Variants in NRXN3 observed in about 807,000 individuals in gnomAD.
NRXN3 encodes the protein neurexin 3.
A neutral mutation model predicts 137.6 loss-of-function variants in NRXN3; 32 were observed. The observed-to-expected ratio is 0.23, with a 90% CI of 0.18 to 0.31. NRXN3 has a LOEUF of 0.31. Among genes scored for constraint, NRXN3 ranks in the 10% least tolerant of loss-of-function variants. The pLI is 1.00. For missense variants in NRXN3, 1,574 were observed against 2,062.5 expected (o/e 0.76, Z 4.59); for synonymous variants, 798 against 784.5 (o/e 1.02, Z -0.29).
chr14:79,134,331 T>G (rs2057991051), intron 15 of NRXN3, among the ~76,000 whole-genome samples: 1 of 152,206 alleles, frequency 6.6e-6, no homozygotes, highest in Admixed American at 6.5e-5. Context: ...TACACTGCTG[T>G]GTAATGTTAT....
chr14:79,585,753 C>T (rs1031173549), intron 16 of NRXN3, among the ~76,000 whole-genome samples: 16 of 149,876 alleles, frequency 1.1e-4, no homozygotes, highest in African/African-American at 3.0e-4. Context: ...AGATAGGGAC[C>T]GAATGGGGGT....
chr14:78,179,842 G>GTTTTTTTTTTTTT (rs796341902), intron 1 of NRXN3, among the ~76,000 whole-genome samples: 6 of 109,152 alleles, frequency 5.5e-5, no homozygotes, highest in Admixed American at 9.3e-5. Flanking sequence ...CTGTTTTTTT[G>GTTTTTTTTTTTTT]TTTTTTTTTT....
At chr14:78,553,806 C>A (rs1300413783) in intron 4 of NRXN3, among the ~76,000 whole-genome samples, 1 of 152,174 alleles carries the variant, frequency 6.6e-6, no homozygotes, top group Non-Finnish European at 1.5e-5. Context: ...TATCCCTCAA[C>A]TCATGGTTCC....
intron 15 of NRXN3, among the ~76,000 whole-genome samples, chr14:79,447,454 G>T (rs2096080620): frequency 1.3e-5 from 2 of 152,152 alleles, no homozygotes; most frequent in South Asian, 4.1e-4. Flanking sequence ...AAACAAAAAT[G>T]ACCTTTTATT....
At chr14:78,976,889 T>G (rs1042651244) in intron 14 of NRXN3, among the ~76,000 whole-genome samples, 2 of 152,190 alleles carry the variant, frequency 1.3e-5, no homozygotes, top group African/African-American at 4.8e-5. Context: ...GCTGATGATC[T>G]TTATTGAGAG....
intron 15 of NRXN3, among the ~76,000 whole-genome samples, chr14:79,035,032 C>T (rs368830306): frequency 5.7e-4 from 86 of 152,212 alleles, no homozygotes; most frequent in Middle Eastern, 3.4e-3. Flanking sequence ...ACTTAAATAG[C>T]ACGTTAAATA....
intron 10 of NRXN3, among the ~76,000 whole-genome samples, chr14:78,892,810 G>GTT: frequency 6.6e-6 from 1 of 151,342 alleles, no homozygotes; most frequent in East Asian, 2.0e-4. Flanking sequence ...GTGTGTGTGT[G>GTT]TGGTGTTTGC....
chr14:79,544,879 G>A (rs4903864), intron 16 of NRXN3, among the ~76,000 whole-genome samples: 85,411 of 152,068 alleles, frequency 0.56, 27,308 homozygotes, highest in Non-Finnish European at 0.71. Flanking sequence ...AGCCCTCCAA[G>A]TGATTTAATG....
chr14:79,022,904 C>G (rs2099591975), intron 15 of NRXN3, among the ~76,000 whole-genome samples: 1 of 152,060 alleles, frequency 6.6e-6, no homozygotes, highest in Non-Finnish European at 1.5e-5. Context: ...GAACAGCAGG[C>G]AAAGGCCTTT....
chr14:79,018,260 CAAAAAAAAAAAAAAAAAAAAAAAA>C (rs1163466834), intron 15 of NRXN3, among the ~76,000 whole-genome samples: 1 of 23,160 alleles, frequency 4.3e-5, no homozygotes, highest in South Asian at 2.6e-3. Context: ...AACTCTGTCT[CAAAAAAAAAAAAAAAAAAAAAAAA>C]AAAAAAAAAA....
In NRXN3 at chr14:78,491,755, C is replaced by G. The variant is rs554204236; in HGVS notation, c.758-153365C>G. 2.6e-5 allele frequency among the ~76,000 whole-genome samples: 4 copies of G among 152,204 alleles called. No homozygotes were observed. The South Asian group carries it at 8.3e-4, about 32-fold the overall frequency. ...AATCTCCACATCACATAGATGTGGG[C>G]GATTCAAATTGCTTTCTCCTGTCAA... On this transcript the variant is annotated intron_variant, in intron 4 of 20. Transcript: ENST00000335750.
intron 6 of NRXN3, among the ~76,000 whole-genome samples, chr14:78,696,793 A>G (rs981638160): frequency 2.0e-5 from 3 of 152,082 alleles, no homozygotes; most frequent in Admixed American, 6.6e-5. Context: ...TGGATTAAAT[A>G]GTCTTTACAT....
chr14:79,365,738 A>AG (rs1369583691), intron 15 of NRXN3, among the ~76,000 whole-genome samples: 1 of 144,440 alleles, frequency 6.9e-6, no homozygotes, highest in East Asian at 2.2e-4. Flanking sequence ...AAAAAAAAAA[A>AG]AAAAAAGAAA....
At chr14:78,414,858 T>C (rs2093039129) in intron 4 of NRXN3, among the ~76,000 whole-genome samples, 1 of 152,122 alleles carries the variant, frequency 6.6e-6, no homozygotes, top group Non-Finnish European at 1.5e-5. Context: ...TGAAGAAGTC[T>C]GACTCTTTGG....
At chr14:78,799,646 T>C (rs768104460) in intron 8 of NRXN3, among the ~76,000 whole-genome samples, 3 of 152,212 alleles carry the variant, frequency 2.0e-5, no homozygotes, top group Non-Finnish European at 4.4e-5. Context: ...CTGATAAAGA[T>C]GTACCAGAGA....
At chr14:79,309,024 G>T (rs1361612407) in intron 15 of NRXN3, among the ~76,000 whole-genome samples, 456 of 116,504 alleles carry the variant, frequency 3.9e-3, no homozygotes, top group Non-Finnish European at 6.2e-3. Flanking sequence ...CTGGTGCGCT[G>T]CACCCACTAA....
At chr14:78,718,986 G>A (rs559150990) in intron 8 of NRXN3, among the ~76,000 whole-genome samples, 1 of 152,332 alleles carries the variant, frequency 6.6e-6, no homozygotes, top group African/African-American at 2.4e-5. Flanking sequence ...TCCTACTTAA[G>A]GAGCTATGAT....
intron 20 of NRXN3, among the ~76,000 whole-genome samples, chr14:79,811,725 A>G (rs1603579476): frequency 6.7e-6 from 1 of 150,332 alleles, no homozygotes. Flanking sequence ...GGGACTACAG[A>G]CGCCCGCCAC....
intron 18 of NRXN3, among the ~76,000 whole-genome samples, chr14:79,694,276 G>C (rs2098726834): frequency 6.6e-6 from 1 of 151,888 alleles, no homozygotes; most frequent in Non-Finnish European, 1.5e-5. Context: ...TATTCCCCAA[G>C]GGTGTTCTGA....
Sources: allele counts gnomAD v4.1 joint callset (sites outside exome capture counted in the v4.1 genomes callset), GRCh38; gene constraint gnomAD v4.1.1; transcripts MANE v1.5; gene names NCBI Gene and HGNC (gene_info 2026-07-23, HGNC 2026-07-21).